The following SLC5A4 variants were observed in gnomAD, a reference collection of about 807,000 sequenced individuals.
SLC5A4 encodes the protein solute carrier family 5 member 4.
Under a neutral mutation model 70.3 loss-of-function variants are expected in SLC5A4, and 55 were observed. That is an observed-to-expected ratio of 0.78 (90% CI 0.63 to 0.98). SLC5A4 has a LOEUF of 0.98. SLC5A4 is among the 50% of genes least tolerant of loss of function. The probability of loss-of-function intolerance (pLI) is 0.00; values close to 1 mark genes in which losing one functional copy is unlikely to be tolerated. For synonymous variants in SLC5A4, 268 were observed against 305.7 expected, an observed-to-expected ratio of 0.88 and a Z score of 1.29; for missense variants, 735 against 839.2, an observed-to-expected ratio of 0.88 and a Z score of 1.53.
chr22:32,271,724 G>T, the SLC5A4 span: 1 of 582,818 alleles, frequency 1.7e-6, no homozygotes, highest in Admixed American at 2.4e-5. Context: ...CAACTCTTTC[G>T]CTCTGTTCCA....
intron 5 of SLC5A4, among the ~76,000 whole-genome samples, chr22:32,239,602 TAAA>T (rs1926382897): frequency 4.5e-5 from 5 of 110,052 alleles, no homozygotes; most frequent in East Asian, 3.5e-4. Context: ...ATAAATTATA[TAAA>T]ATATATGTAT....
chr22:32,319,918 A>T, the SLC5A4 span, among the ~76,000 whole-genome samples: 2 of 152,146 alleles, frequency 1.3e-5, no homozygotes, highest in African/African-American at 4.8e-5. Flanking sequence ...GTCAGCACTC[A>T]ATTAAGATGA....
the SLC5A4 span, among the ~76,000 whole-genome samples, chr22:32,323,805 G>A: frequency 6.6e-6 from 1 of 152,244 alleles, no homozygotes; most frequent in East Asian, 1.9e-4. Context: ...TTGCCTGTGG[G>A]CCACAGTCTG....
the SLC5A4 span, among the ~76,000 whole-genome samples, chr22:32,350,676 G>A: frequency 1.3e-5 from 2 of 151,808 alleles, no homozygotes; most frequent in East Asian, 1.9e-4. Flanking sequence ...AACTGCAACC[G>A]ATCTACTCTG....
At chr22:32,232,405 A>C (rs1442901723) in intron 9 of SLC5A4, among the ~76,000 whole-genome samples, 5 of 152,184 alleles carry the variant, frequency 3.3e-5, no homozygotes, top group African/African-American at 1.2e-4. Flanking sequence ...TTTTTAAGGA[A>C]GATTTTTAAC....
At chr22:32,331,511 T>A in the SLC5A4 span, among the ~76,000 whole-genome samples, 3 of 152,156 alleles carry the variant, frequency 2.0e-5, no homozygotes, top group Non-Finnish European at 4.4e-5. Flanking sequence ...CCGCATAATC[T>A]AAATAATGAC....
At chr22:32,242,109 A>T (rs572907210) in intron 5 of SLC5A4, among the ~76,000 whole-genome samples, 3 of 152,230 alleles carry the variant, frequency 2.0e-5, no homozygotes, top group Admixed American at 2.0e-4. Flanking sequence ...GTGGGCATTT[A>T]CATGTGTGTA....
Position 32,235,023 on chromosome 22 carries a change from C to T in SLC5A4, c.735G>A (p.Glu245=), listed in dbSNP as rs781767196. Residue 245 remains glutamate, a synonymous_variant, in exon 8 of 15, where the codon GAG becomes GAA. Transcript: ENST00000266086. Reference sequence around the variant, plus strand: ...TGGCACTGATTGTCAAGTTGTCCCCCTCGACTACGGATGGGGTGGCATTCA... The same window carrying T: ...TGGCACTGATTGTCAAGTTGTCCCCTTCGACTACGGATGGGGTGGCATTCA... ...KYVNATPSVV[E]GDNLTISASC... is the part of the protein sequence containing the mutation. 6 of 1,613,838 alleles carry T rather than the reference C, an allele frequency of 3.7e-6. No individual in the cohort carries two copies. Among genetic ancestry groups the T allele is most frequent in the Non-Finnish European group, 5.1e-6 (6 of 1,179,924 alleles).
At chr22:32,350,731 C>A in the SLC5A4 span, among the ~76,000 whole-genome samples, 1 of 151,916 alleles carries the variant, frequency 6.6e-6, no homozygotes, top group African/African-American at 2.4e-5. Flanking sequence ...TATAGTGGTA[C>A]TTAGGCATAT....
At chr22:32,243,937 T>C (rs576713793) in intron 5 of SLC5A4, among the ~76,000 whole-genome samples, 35 of 152,232 alleles carry the variant, frequency 2.3e-4, no homozygotes, top group Non-Finnish European at 4.9e-4. Context: ...TGCAGTGAGC[T>C]GAGATTGTGC....
chr22:32,324,230 T>C, the SLC5A4 span, among the ~76,000 whole-genome samples: 2 of 147,464 alleles, frequency 1.4e-5, no homozygotes, highest in African/African-American at 2.5e-5. Flanking sequence ...TACATATATG[T>C]GTATACATAT....
the SLC5A4 span, among the ~76,000 whole-genome samples, chr22:32,285,528 G>A: frequency 6.6e-6 from 1 of 151,760 alleles, no homozygotes; most frequent in Non-Finnish European, 1.5e-5. Flanking sequence ...ATCATCTTTT[G>A]TCATACAAAA....
At chr22:32,248,651 T>C (rs975834139) in intron 4 of SLC5A4, 92 bp downstream of exon 4, 4 of 927,950 alleles carry the variant, frequency 4.3e-6, no homozygotes, top group Admixed American at 1.7e-5. Context: ...CCTTTTTTCC[T>C]GGCAATACTC....
At chr22:32,324,894 G>A in the SLC5A4 span, among the ~76,000 whole-genome samples, 1 of 152,240 alleles carries the variant, frequency 6.6e-6, no homozygotes, top group East Asian at 1.9e-4. Context: ...CTTCTGGAAG[G>A]AATCTTTGGC....
At chr22:32,308,990 G>C in the SLC5A4 span, among the ~76,000 whole-genome samples, 2 of 152,186 alleles carry the variant, frequency 1.3e-5, no homozygotes, top group Non-Finnish European at 2.9e-5. Context: ...CCAGACTAGA[G>C]TGCAGTGGTA....
At chr22:32,244,074 T>G (rs141767146) in intron 5 of SLC5A4, among the ~76,000 whole-genome samples, 2 of 152,330 alleles carry the variant, frequency 1.3e-5, no homozygotes, top group Non-Finnish European at 2.9e-5. Flanking sequence ...AAATCTGACA[T>G]TTTATCATCC....
chr22:32,304,846 TAC>T, the SLC5A4 span, among the ~76,000 whole-genome samples: 6 of 120,988 alleles, frequency 5.0e-5, no homozygotes, highest in South Asian at 5.5e-4. Flanking sequence ...CTAGGAGTTC[TAC>T]AGTTTTTTTT....
the SLC5A4 span, among the ~76,000 whole-genome samples, chr22:32,313,210 C>A: frequency 0.42 from 64,501 of 152,006 alleles, 13,745 homozygotes; most frequent in South Asian, 0.47. Context: ...GACATCAGAT[C>A]AATTTATAAA....
the SLC5A4 span, among the ~76,000 whole-genome samples, chr22:32,278,524 T>C: frequency 6.6e-6 from 1 of 152,248 alleles, no homozygotes; most frequent in African/African-American, 2.4e-5. Context: ...TTTTTTGTTT[T>C]GTTTTGGTTA....
Sources: gnomAD v4.1 joint callset for allele counts (sites outside exome capture counted in the v4.1 genomes callset) on GRCh38, gnomAD v4.1.1 for gene constraint, MANE v1.5 for transcripts, NCBI Gene and HGNC (gene_info 2026-07-23, HGNC 2026-07-21) for gene names.